Variants in IMMP2L observed in about 807,000 individuals in gnomAD.
IMMP2L encodes the protein mitochondrial inner membrane protease subunit 2.
IMMP2L carries 18 observed loss-of-function variants against 19.3 expected under a neutral mutation model. That is an observed-to-expected ratio of 0.93 (90% CI 0.64 to 1.38). The LOEUF is 1.38. Among genes scored for constraint, IMMP2L ranks in the 40% most tolerant of loss-of-function variants. The pLI, the probability that IMMP2L is intolerant of heterozygous loss-of-function variation, is 0.00. For missense variants in IMMP2L, 233 were observed against 218.2 expected (o/e 1.07, Z -0.43); for synonymous variants, 76 against 73.0 (o/e 1.04, Z -0.21).
chr7:110,870,028 C>G lies in IMMP2L; in HGVS notation c.408+16565G>C, dbSNP rs1808379863. On this transcript the variant is annotated intron_variant, in intron 5 of 5. Transcript: ENST00000405709. The surrounding 1 kb of genome is among the most constrained non-coding windows in gnomAD (Gnocchi z 4.2). The stretch of plus-strand genomic sequence containing the variant: ...CCCAGATATTTCTACCATTCTACCC[C>G]TCCTCCTAGTTTCAGCCAGCCTGTT... 6.6e-6 allele frequency among the ~76,000 whole-genome samples: 1 copy of G among 152,128 alleles called. No homozygotes were observed. Among genetic ancestry groups the G allele is most frequent in the African/African-American group, 2.4e-5 (1 of 41,460 alleles).
intron 3 of IMMP2L, among the ~76,000 whole-genome samples, chr7:111,485,596 T>TA (rs1563252291): frequency 1.1e-3 from 1 of 894 alleles, no homozygotes; most frequent in Non-Finnish European, 3.3e-3. Flanking sequence ...AGACTCTGTT[T>TA]CAAAAAAAAA....
chr7:111,512,774 A>C (rs1845565615), intron 2 of IMMP2L, among the ~76,000 whole-genome samples: 1 of 152,050 alleles, frequency 6.6e-6, no homozygotes, highest in Non-Finnish European at 1.5e-5. Flanking sequence ...ATGTAATAGA[A>C]TAGAGAATCC....
intron 4 of IMMP2L, among the ~76,000 whole-genome samples, chr7:110,947,010 G>A (rs756423652): frequency 1.9e-4 from 29 of 152,132 alleles, no homozygotes; most frequent in East Asian, 1.7e-3. Context: ...GTGAGCCACC[G>A]CGCCTGGCCT....
At chr7:110,939,215 A>G (rs1274495569) in intron 4 of IMMP2L, among the ~76,000 whole-genome samples, 2 of 152,096 alleles carry the variant, frequency 1.3e-5, no homozygotes, top group Non-Finnish European at 2.9e-5. Flanking sequence ...AATGGGACCA[A>G]GACTTTTTGT....
chr7:111,177,146 G>C lies in IMMP2L; in HGVS notation c.240-213581C>G, dbSNP rs191945808. The stretch of plus-strand genomic sequence containing the variant: ...GCACAACAAACACTTGAGTAGATTA[G>C]TGAGTTTCACAATGCCCTGCTTTTA... On this transcript the variant is annotated intron_variant, in intron 3 of 5. Coordinates refer to ENST00000405709, the MANE Select transcript of IMMP2L (RefSeq NM_032549.4). 1.1e-4 allele frequency among the ~76,000 whole-genome samples: 16 copies of C among 152,124 alleles called. No homozygotes were observed. The East Asian group carries it at 2.9e-3, about 28-fold the overall frequency.
At chr7:110,815,704 T>A (rs1263893268) in intron 5 of IMMP2L, among the ~76,000 whole-genome samples, 1 of 152,168 alleles carries the variant, frequency 6.6e-6, no homozygotes, top group Non-Finnish European at 1.5e-5. Flanking sequence ...GGAGGGTGTA[T>A]GTGTCGAGGA....
intron 3 of IMMP2L, among the ~76,000 whole-genome samples, chr7:111,017,201 G>A (rs961398182): frequency 1.3e-5 from 2 of 150,584 alleles, no homozygotes; most frequent in Non-Finnish European, 2.9e-5. Context: ...CTGAGTAGCT[G>A]GGACCACAGG....
At chr7:110,975,381 T>G (rs148802149) in intron 3 of IMMP2L, among the ~76,000 whole-genome samples, 1 of 152,260 alleles carries the variant, frequency 6.6e-6, no homozygotes, top group African/African-American at 2.4e-5. Flanking sequence ...GAATGCAGAC[T>G]GTATCATGGC....
At chr7:111,114,512 C>T (rs1188907354) in intron 3 of IMMP2L, among the ~76,000 whole-genome samples, 1 of 151,978 alleles carries the variant, frequency 6.6e-6, no homozygotes, top group Non-Finnish European at 1.5e-5. Flanking sequence ...TCAAGGAGGG[C>T]AGATCATTAG....
chr7:111,377,577 A>G (rs1372662675), intron 3 of IMMP2L, among the ~76,000 whole-genome samples: 1 of 152,054 alleles, frequency 6.6e-6, no homozygotes, highest in African/African-American at 2.4e-5. Context: ...GAAACTGCAC[A>G]GGAATTTCTG....
chr7:111,438,875 C>G (rs1033097106), intron 3 of IMMP2L, among the ~76,000 whole-genome samples: 1 of 151,838 alleles, frequency 6.6e-6, no homozygotes, highest in East Asian at 1.9e-4. Context: ...TTTAAATATA[C>G]AGGTCTTCAC....
chr7:110,724,455 A>G (rs1300262046), intron 5 of IMMP2L: 1 of 152,178 alleles, frequency 6.6e-6, no homozygotes, highest in African/African-American at 2.4e-5. Context: ...ACTGTGTTAT[A>G]TTCAGGAACA....
chr7:110,895,040 T>C (rs1457018412), intron 4 of IMMP2L, among the ~76,000 whole-genome samples: 1 of 152,132 alleles, frequency 6.6e-6, no homozygotes, highest in Non-Finnish European at 1.5e-5. Context: ...ACTGGGCAAT[T>C]TACAAAAGGA....
chr7:110,846,141 A>C (rs1181019355), intron 5 of IMMP2L, among the ~76,000 whole-genome samples: 2 of 152,120 alleles, frequency 1.3e-5, no homozygotes, highest in Non-Finnish European at 2.9e-5. Flanking sequence ...GTTATCACAG[A>C]TTCAGCTGTT....
intron 5 of IMMP2L, among the ~76,000 whole-genome samples, chr7:110,679,244 C>T (rs1792528314): frequency 6.6e-6 from 1 of 152,024 alleles, no homozygotes; most frequent in South Asian, 2.1e-4. Flanking sequence ...GTCTCTTTAC[C>T]ACATAATCAA....
chr7:110,877,577 T>A lies in IMMP2L; in HGVS notation c.408+9016A>T, dbSNP rs1809205383. On this transcript the variant is annotated intron_variant, in intron 5 of 5. Transcript: ENST00000405709. This position sits in a 1 kb window ranked among gnomAD's most constrained non-coding sequence, Gnocchi z 4.0. ...AAGGCATAGGCAGGTAAGACGGATCTGGAAAATTTGGCGGGAGACAGGATC... is the reference window on the plus strand; with the variant it reads ...AAGGCATAGGCAGGTAAGACGGATCAGGAAAATTTGGCGGGAGACAGGATC... Among the ~76,000 whole-genome samples, 1 of 152,140 alleles carries A rather than the reference T, an allele frequency of 6.6e-6. No individual in the cohort carries two copies. Among genetic ancestry groups the A allele is most frequent in the African/African-American group, 2.4e-5 (1 of 41,438 alleles).
At chr7:111,243,007 G>T (rs975588419) in intron 3 of IMMP2L, among the ~76,000 whole-genome samples, 7 of 151,836 alleles carry the variant, frequency 4.6e-5, no homozygotes, top group South Asian at 2.1e-4. Flanking sequence ...ATTTTTTTCT[G>T]TCATATCACA....
At chr7:111,137,338 GA>G (rs1447761530) in intron 3 of IMMP2L, among the ~76,000 whole-genome samples, 2 of 152,102 alleles carry the variant, frequency 1.3e-5, no homozygotes, top group Non-Finnish European at 2.9e-5. Flanking sequence ...TTTTCCATTG[GA>G]AGTAAAGAAT....
intron 3 of IMMP2L, among the ~76,000 whole-genome samples, chr7:111,384,555 A>G (rs1239680262): frequency 6.6e-6 from 1 of 152,078 alleles, no homozygotes; most frequent in African/African-American, 2.4e-5. Flanking sequence ...CTGCCCCTCT[A>G]TTATTGAAAG....
Sources: gnomAD v4.1 joint callset for allele counts (sites outside exome capture counted in the v4.1 genomes callset) on GRCh38, gnomAD v4.1.1 for gene constraint, Gnocchi (gnomAD v3.1) non-coding constraint, MANE v1.5 for transcripts, NCBI Gene and HGNC (gene_info 2026-07-23, HGNC 2026-07-21) for gene names.